Variants in FPR3 observed in about 807,000 individuals in gnomAD.
The protein encoded by FPR3 is formyl peptide receptor 3, also known as N-formyl peptide receptor 3.
For missense variants in FPR3, 346 were observed against 443.2 expected, an observed-to-expected ratio of 0.78 and a Z score of 1.97; for synonymous variants, 135 against 163.6, an observed-to-expected ratio of 0.83 and a Z score of 1.34.
rs147145887 is a variant in FPR3 at position 51,796,222 on chromosome 19, G to A, written c.-11+891G>A. Reference sequence around the variant, plus strand: ...AAGACGAAGAGCACGGTAGGCAGAAGGAATAGAGAAAGCAGAAGCCCTGAG... The same window carrying A: ...AAGACGAAGAGCACGGTAGGCAGAAAGAATAGAGAAAGCAGAAGCCCTGAG... On this transcript the variant is annotated intron_variant, in intron 1 of 1. Transcript: ENST00000339223. Among the ~76,000 whole-genome samples, 90 of 152,272 alleles carry A rather than the reference G, an allele frequency of 5.9e-4. 1 individual carries two copies. The East Asian group carries it at 0.016, about 27-fold the overall frequency.
At chr19:51,821,228 C>T (rs146211602) in intron 1 of FPR3, among the ~76,000 whole-genome samples, 2 of 152,336 alleles carry the variant, frequency 1.3e-5, no homozygotes, top group East Asian at 3.9e-4. Context: ...AGAGATATCA[C>T]TGACCAAGAA....
intron 1 of FPR3, among the ~76,000 whole-genome samples, chr19:51,813,119 AACAC>A (rs35245083): frequency 0.011 from 1,498 of 137,112 alleles, 6 homozygotes; most frequent in African/African-American, 0.018. Flanking sequence ...GCTCTGTCTC[AACAC>A]ACACACACAC....
intron 1 of FPR3, among the ~76,000 whole-genome samples, chr19:51,823,514 T>C (rs1363527934): frequency 2.0e-5 from 3 of 152,172 alleles, no homozygotes; most frequent in Non-Finnish European, 4.4e-5. Context: ...ATCCTCTTGG[T>C]AATCAGCTTG....
intron 1 of FPR3, among the ~76,000 whole-genome samples, chr19:51,815,567 T>TAAA (rs71180419): frequency 6.9e-6 from 1 of 143,936 alleles, no homozygotes; most frequent in African/African-American, 2.6e-5. Flanking sequence ...AGACTCTGTC[T>TAAA]AAAAAAAAAA....
chr19:51,800,966 C>T (rs1480195505), intron 1 of FPR3, among the ~76,000 whole-genome samples: 2 of 152,138 alleles, frequency 1.3e-5, no homozygotes, highest in African/African-American at 4.8e-5. Context: ...ATGGGTCCTT[C>T]CCAGAGAGAG....
intron 1 of FPR3, among the ~76,000 whole-genome samples, chr19:51,806,003 G>A (rs1218575079): frequency 6.6e-6 from 1 of 152,202 alleles, no homozygotes; most frequent in East Asian, 1.9e-4. Flanking sequence ...GATATAACTG[G>A]CAAGATTTAC....
rs1242178819 is a variant in FPR3, at chr19:51,812,832, A to T, written c.-10-10907A>T. 2.6e-5 allele frequency among the ~76,000 whole-genome samples: 4 copies of T among 152,318 alleles called. No individual in the cohort carries two copies. In the East Asian group the frequency reaches 7.7e-4, roughly 29 times the overall value. ...ATGCTGGATAATTTGTAAACAACAT[A>T]AATTTAGGCCAGACGTGGGGGCTCA... On this transcript the variant is annotated intron_variant, in intron 1 of 1. Transcript: ENST00000339223.
At chr19:51,817,051 A>G (rs2084142378) in intron 1 of FPR3, among the ~76,000 whole-genome samples, 1 of 152,048 alleles carries the variant, frequency 6.6e-6, no homozygotes. Context: ...ATTTGGAGGG[A>G]TGAACTCCAG....
chr19:51,824,890 C>A lies in FPR3; in HGVS notation c.*80C>A. 9.4e-7 allele frequency: 1 copy of A among 1,065,684 alleles called. No homozygotes were observed. Among genetic ancestry groups the A allele is most frequent in the Non-Finnish European group, 1.3e-6 (1 of 742,494 alleles). The allele number at this position is 1,065,684 out of a possible 1,614,324, so 66.0% of individuals were successfully genotyped here. On this transcript the variant is annotated 3_prime_UTR_variant, in exon 2 of 2. Coordinates refer to ENST00000339223, the MANE Select transcript of FPR3 (RefSeq NM_002030.5). This position sits in a 1 kb window ranked among gnomAD's most constrained non-coding sequence, Gnocchi z 4.7. ...AAAAATTCTGACAGTGTTTTTCTTCCTCTTTCATACCACCACCACCACAAT... is the reference window on the plus strand; with the variant it reads ...AAAAATTCTGACAGTGTTTTTCTTCATCTTTCATACCACCACCACCACAAT...
chr19:51,800,482 G>A (rs1481630425), intron 1 of FPR3, among the ~76,000 whole-genome samples: 1 of 152,234 alleles, frequency 6.6e-6, no homozygotes, highest in Non-Finnish European at 1.5e-5. Context: ...TCTGGAAGTG[G>A]AGCATGGCCC....
Position 51,823,874 on chromosome 19 carries a change from G to C in FPR3, c.126G>C (p.Leu42=). The C allele has an allele frequency of 1.2e-6, 2 of 1,614,080 alleles. No homozygotes were observed. Among genetic ancestry groups the C allele is most frequent in the Non-Finnish European group, 1.7e-6 (2 of 1,179,990 alleles). The change falls in exon 2 of 2, where the codon CTG becomes CTC. Residue 42 remains leucine, a synonymous_variant. Coordinates refer to ENST00000339223, the MANE Select transcript of FPR3 (RefSeq NM_002030.5). Reference sequence around the variant, plus strand: ...GAGTCACCTTTGTCTTCGGGGTCCTGGGCAATGGGCTTGTGATCTGGGTGG... The same window carrying C: ...GAGTCACCTTTGTCTTCGGGGTCCTCGGCAATGGGCTTGTGATCTGGGTGG... ...VHGVTFVFGV[L]GNGLVIWVAG... is the part of the protein sequence containing the mutation.
chr19:51,815,287 T>A (rs944016929), intron 1 of FPR3, among the ~76,000 whole-genome samples: 6 of 152,014 alleles, frequency 3.9e-5, no homozygotes, highest in Admixed American at 3.9e-4. Context: ...GTTGGCTGGG[T>A]GCAGTGGCTC....
At chr19:51,817,209 T>C (rs1370826002) in intron 1 of FPR3, among the ~76,000 whole-genome samples, 1 of 152,186 alleles carries the variant, frequency 6.6e-6, no homozygotes, top group African/African-American at 2.4e-5. Flanking sequence ...CATTGTTCCC[T>C]TGTCCTTCAG....
intron 1 of FPR3, 51 bp from the exon 2 acceptor site, chr19:51,823,683 GTTGTA>G: frequency 7.5e-7 from 1 of 1,324,734 alleles, no homozygotes. Flanking sequence ...TTAATGAATA[GTTGTA>G]TTGTAAGATG....
intron 1 of FPR3, among the ~76,000 whole-genome samples, chr19:51,814,863 G>A (rs1599836879): frequency 6.6e-6 from 1 of 152,138 alleles, no homozygotes; most frequent in African/African-American, 2.4e-5. Flanking sequence ...AGGCTGGAGT[G>A]CAGTGGCGCC....
intron 1 of FPR3, among the ~76,000 whole-genome samples, chr19:51,823,086 C>T (rs1478141286): frequency 6.6e-6 from 1 of 152,096 alleles, no homozygotes; most frequent in Non-Finnish European, 1.5e-5. Flanking sequence ...CAGTCTCCAA[C>T]TCCTGATCTC....
In FPR3 at chr19:51,823,887, G is replaced by A; in HGVS notation, c.139G>A (p.Val47Met). Residue 47 changes from valine (V) to methionine (M), a missense_variant, in exon 2 of 2, where the codon GTG becomes ATG. Physicochemically the swap from Val to Met is conservative, Grantham distance 21. Coordinates refer to ENST00000339223, the MANE Select transcript of FPR3 (RefSeq NM_002030.5). ...CTTCGGGGTCCTGGGCAATGGGCTTGTGATCTGGGTGGCTGGATTCCGGAT... is the reference window on the plus strand; with the variant it reads ...CTTCGGGGTCCTGGGCAATGGGCTTATGATCTGGGTGGCTGGATTCCGGAT... Reference protein sequence around the residue: ...FVFGVLGNGLVIWVAGFRMTR... With the variant: ...FVFGVLGNGLMIWVAGFRMTR... 1 of 1,614,110 alleles carries A rather than the reference G, an allele frequency of 6.2e-7. No homozygotes were observed. The highest frequency in any genetic ancestry group is 1.3e-5 in the African/African-American group (1 of 75,030).
intron 1 of FPR3, among the ~76,000 whole-genome samples, chr19:51,801,729 C>T (rs950588160): frequency 3.9e-5 from 6 of 152,110 alleles, no homozygotes; most frequent in Admixed American, 3.3e-4. Context: ...TGCAGTGAGC[C>T]GAGATTGTGC....
intron 1 of FPR3, among the ~76,000 whole-genome samples, chr19:51,809,951 A>G (rs1452827454): frequency 6.6e-6 from 1 of 152,140 alleles, no homozygotes; most frequent in Non-Finnish European, 1.5e-5. Context: ...GGGGGGTGCC[A>G]TTCTGATGAA....
Sources: gnomAD v4.1 joint callset for allele counts (sites outside exome capture counted in the v4.1 genomes callset) on GRCh38, gnomAD v4.1.1 for gene constraint, Gnocchi (gnomAD v3.1) non-coding constraint, MANE v1.5 for transcripts, NCBI Gene and HGNC (gene_info 2026-07-23, HGNC 2026-07-21) for gene names.